LONRF1: variants seen among roughly 807,000 people sequenced by gnomAD.
LONRF1 encodes LON peptidase N-terminal domain and ring finger 1, also known as LON peptidase N-terminal domain and RING finger protein 1.
LONRF1 carries 37 observed loss-of-function variants against 85.8 expected under a neutral mutation model. That is an observed-to-expected ratio of 0.43 (90% confidence interval 0.33 to 0.57). The LOEUF is 0.57. LONRF1 is among the 20% of genes least tolerant of loss of function. The pLI, the probability that LONRF1 is intolerant of heterozygous loss-of-function variation, is 0.04. For synonymous variants in LONRF1, 517 were observed against 390.1 expected, an observed-to-expected ratio of 1.33 and a Z score of -3.83; for missense variants, 1,036 against 978.0, an observed-to-expected ratio of 1.06 and a Z score of -0.79.
chr8:12,729,393 C>A, intron 8 of LONRF1, 61 bp from the exon 9 acceptor site: 6 of 1,513,274 alleles, frequency 4.0e-6, no homozygotes, highest in South Asian at 3.6e-5. Context: ...CGAACACATA[C>A]AAAAAATGAG....
At position 12,741,016 on chromosome 8, in the gene LONRF1, A is replaced by G. The variant is rs766016042; in HGVS notation, c.841-20T>C. The G allele has an allele frequency of 7.5e-6, 12 of 1,609,856 alleles. No homozygotes were observed. The highest frequency in any genetic ancestry group is 1.1e-5 in the South Asian group (1 of 90,824). ...GTAGACCTTTAATAAAAGCAGATAT[A>G]TAAAACCTTTGTGTTAAGAATTGCT... On this transcript the variant is annotated intron_variant, in intron 2 of 11. Coordinates refer to ENST00000398246, the MANE Select transcript of LONRF1 (RefSeq NM_152271.5).
intron 11 of LONRF1, 39 bp downstream of exon 11, chr8:12,725,688 A>G: frequency 1.3e-6 from 2 of 1,584,934 alleles, no homozygotes; most frequent in African/African-American, 2.7e-5. Context: ...TTGGGTTTAT[A>G]AAAAAGTGAC....
chr8:12,722,063 T>C lies in LONRF1; in HGVS notation c.*1033A>G, dbSNP rs1805905212. 6.6e-6 allele frequency: 1 copy of C among 152,642 alleles called. No homozygotes were observed. Among genetic ancestry groups the C allele is most frequent in the Admixed American group, 6.5e-5 (1 of 15,282 alleles). 9.5% of individuals were successfully genotyped at this position (152,642 alleles called of 1,614,324 possible). A position where few individuals can be genotyped will look rare whatever the true frequency, so the allele number is the denominator to read the frequency against. Reference sequence around the variant, plus strand: ...TCTAGGGCAGCATGAATATAAACCATGTTGCAGCATGGTGATCTAACTGTG... The same window carrying C: ...TCTAGGGCAGCATGAATATAAACCACGTTGCAGCATGGTGATCTAACTGTG... On this transcript the variant is annotated 3_prime_UTR_variant, in exon 12 of 12. Coordinates refer to ENST00000398246, the MANE Select transcript of LONRF1 (RefSeq NM_152271.5).
At chr8:12,741,864 C>G (rs1315232507) in intron 2 of LONRF1, among the ~76,000 whole-genome samples, 1 of 151,846 alleles carries the variant, frequency 6.6e-6, no homozygotes, top group African/African-American at 2.4e-5. Context: ...AACTCTATGA[C>G]AAAAATTAGA....
intron 11 of LONRF1, among the ~76,000 whole-genome samples, chr8:12,723,572 A>G (rs1806016602): frequency 6.6e-6 from 1 of 152,220 alleles, no homozygotes; most frequent in South Asian, 2.1e-4. Flanking sequence ...TGACACTTTG[A>G]GCCAGATAAT....
At chr8:12,735,962 C>T (rs143650791) in intron 6 of LONRF1, among the ~76,000 whole-genome samples, 23 of 152,216 alleles carry the variant, frequency 1.5e-4, no homozygotes, top group Admixed American at 6.6e-5. Context: ...TCAAACATTA[C>T]AGAACAACTA....
rs931916254 is a variant in LONRF1 at position 12,737,095 on chromosome 8, A to T, written c.1159T>A (p.Leu387Ile). ...GACTGTGCTGACTGAGCACGGTTTA[A>T]GCTTCCTTTGACAGGCTCTGAAGTG... ...EVTSEPVKGS[L>I]NRAQSAQSIN... The change falls in exon 5 of 12, where the codon TTA becomes ATA. Residue 387 changes from leucine to isoleucine, a missense_variant. Physicochemically the swap from Leu to Ile is conservative, Grantham distance 5 (BLOSUM62 2). Transcript: ENST00000398246. 4.3e-6 allele frequency: 7 copies of T among 1,613,472 alleles called. No individual in the cohort carries two copies. Among genetic ancestry groups the T allele is most frequent in the Non-Finnish European group, 5.1e-6 (6 of 1,179,654 alleles).
chr8:12,740,844 A>G, intron 3 of LONRF1, 30 bp downstream of exon 3: 1 of 1,610,408 alleles, frequency 6.2e-7, no homozygotes, highest in Non-Finnish European at 8.5e-7. Flanking sequence ...TAGCCCTACC[A>G]TGAACTGTAA....
chr8:12,740,286 C>T (rs1798880871), intron 3 of LONRF1, among the ~76,000 whole-genome samples: 1 of 152,156 alleles, frequency 6.6e-6, no homozygotes, highest in African/African-American at 2.4e-5. Context: ...TTCATGCTGG[C>T]ATATCAAAAG....
intron 11 of LONRF1, among the ~76,000 whole-genome samples, chr8:12,725,265 G>C (rs183931339): frequency 1.6e-4 from 24 of 152,310 alleles, no homozygotes; most frequent in African/African-American, 5.8e-4. Flanking sequence ...ATGAATTGAA[G>C]TGGTTGGGTC....
chr8:12,744,678 C>T (rs1025356817), intron 1 of LONRF1, among the ~76,000 whole-genome samples: 16 of 152,054 alleles, frequency 1.1e-4, no homozygotes, highest in Admixed American at 3.3e-4. Flanking sequence ...AACAGAGCAG[C>T]GTATGGCAAA....
chr8:12,751,889 C>T (rs922742635), intron 1 of LONRF1, among the ~76,000 whole-genome samples: 1 of 152,126 alleles, frequency 6.6e-6, no homozygotes, highest in African/African-American at 2.4e-5. Context: ...CATAATATCC[C>T]TGAATACTAA....
rs768892309 is a variant in LONRF1, at chr8:12,740,945, C to A, written c.892G>T (p.Ala298Ser). ...VLCDAGFLGDALQLFLQCLAL... is the reference protein window; with the variant it reads ...VLCDAGFLGDSLQLFLQCLAL... ...AAGCACTGAAGAAAGAGTTGTAAGGCATCACCTAAAAAACCAGCATCGCAG... is the reference window on the plus strand; with the variant it reads ...AAGCACTGAAGAAAGAGTTGTAAGGAATCACCTAAAAAACCAGCATCGCAG... The change falls in exon 3 of 12, where the codon GCC becomes TCC. Residue 298 changes from alanine (A) to serine (S), a missense_variant. Ala to Ser is a moderately conservative substitution (Grantham distance 99). This residue lies in a region of LONRF1 where 742 missense variants were observed against 614.4 expected (regional missense o/e 1.21). Transcript: ENST00000398246. The A allele has an allele frequency of 1.2e-6, 2 of 1,613,622 alleles. No individual in the cohort carries two copies. Among genetic ancestry groups the A allele is most frequent in the East Asian group, 2.2e-5 (1 of 44,860 alleles).
chr8:12,726,564 C>T (rs1340092954), intron 10 of LONRF1, among the ~76,000 whole-genome samples: 1 of 152,184 alleles, frequency 6.6e-6, no homozygotes, highest in East Asian at 1.9e-4. Flanking sequence ...CATCAGGCTT[C>T]CAGCCTGAGA....
chr8:12,744,321 G>T (rs1201344519), intron 1 of LONRF1, among the ~76,000 whole-genome samples: 3 of 152,008 alleles, frequency 2.0e-5, no homozygotes, highest in African/African-American at 7.2e-5. Flanking sequence ...TGAGAACTGG[G>T]ATTACAATGT....
intron 10 of LONRF1, among the ~76,000 whole-genome samples, chr8:12,726,933 T>C (rs990611784): frequency 7.9e-5 from 12 of 152,154 alleles, no homozygotes; most frequent in South Asian, 2.1e-4. Context: ...AATGCCACTG[T>C]GTGCACTCAA....
chr8:12,755,484 G>A lies in LONRF1; in HGVS notation c.-64C>T, dbSNP rs1799610974. On this transcript the variant is annotated 5_prime_UTR_variant, in exon 1 of 12. Transcript: ENST00000398246. The stretch of plus-strand genomic sequence containing the variant: ...GGTCCCGGAGCCTCCCGGGCGCGCG[G>A]CTCCGCACGCGGCCCGCGAGCAGGG... The A allele has an allele frequency of 2.2e-6, 2 of 911,818 alleles. No homozygotes were observed. The highest frequency in any genetic ancestry group is 2.7e-6 in the Non-Finnish European group (2 of 749,312). 56.5% of individuals were successfully genotyped at this position (911,818 alleles called of 1,614,324 possible).
At chr8:12,744,138 G>C (rs549123930) in intron 1 of LONRF1, among the ~76,000 whole-genome samples, 20 of 152,186 alleles carry the variant, frequency 1.3e-4, no homozygotes, top group Middle Eastern at 3.4e-3. Flanking sequence ...ATCTTTAAAA[G>C]CATAAAGTAT....
intron 7 of LONRF1, among the ~76,000 whole-genome samples, chr8:12,733,092 A>G (rs371453575): frequency 1.3e-5 from 2 of 152,298 alleles, no homozygotes; most frequent in African/African-American, 2.4e-5. Flanking sequence ...GGTAGGGTCC[A>G]AGAATCTATG....
Sources: gnomAD v4.1 joint callset for allele counts (sites outside exome capture counted in the v4.1 genomes callset) on GRCh38, gnomAD v4.1.1 for gene constraint, gnomAD v4.1.1 regional missense constraint, MANE v1.5 for transcripts, NCBI Gene and HGNC (gene_info 2026-07-23, HGNC 2026-07-21) for gene names.